BBX: variants seen among roughly 807,000 people sequenced by gnomAD.
BBX encodes BBX high mobility group box domain containing.
BBX carries 30 observed loss-of-function variants against 100.2 expected under a neutral mutation model. The ratio of observed to expected loss-of-function variants is 0.30; its 90% confidence interval spans 0.22 to 0.41. The LOEUF (loss-of-function observed/expected upper bound fraction) is 0.41, where lower values mean the gene tolerates loss of function less well. Among genes scored for constraint, BBX ranks in the 10% least tolerant of loss-of-function variants. BBX has a pLI of 1.00. For missense variants in BBX, 1,023 were observed against 1,129.8 expected (o/e 0.91, Z 1.35); for synonymous variants, 376 against 388.1 (o/e 0.97, Z 0.37).
chr3:107,537,619 G>T (rs1208771236), intron 2 of BBX, among the ~76,000 whole-genome samples: 1 of 152,160 alleles, frequency 6.6e-6, no homozygotes, highest in Non-Finnish European at 1.5e-5. Context: ...TTCTCTTGTG[G>T]TTTAGTAAGC....
chr3:107,764,283 C>T (rs930958060), intron 10 of BBX, among the ~76,000 whole-genome samples: 2 of 152,190 alleles, frequency 1.3e-5, no homozygotes, highest in African/African-American at 2.4e-5. Context: ...TGAGCCACCA[C>T]GCCCAGCCAG....
chr3:107,711,480 A>C (rs2061718984), intron 4 of BBX: 2 of 360,714 alleles, frequency 5.5e-6, no homozygotes, highest in African/African-American at 4.3e-5. Flanking sequence ...ACATCCATTC[A>C]GTCTCTCTTG....
chr3:107,551,648 C>G (rs2049692002), intron 2 of BBX, among the ~76,000 whole-genome samples: 1 of 152,184 alleles, frequency 6.6e-6, no homozygotes, highest in South Asian at 2.1e-4. Flanking sequence ...TAAACCAGAT[C>G]TCAACCCTGG....
At chr3:107,728,286 A>G (rs2063097572) in intron 5 of BBX, among the ~76,000 whole-genome samples, 1 of 152,202 alleles carries the variant, frequency 6.6e-6, no homozygotes, top group Non-Finnish European at 1.5e-5. Context: ...GATATGAGTG[A>G]TGTGCTATGC....
intron 12 of BBX, among the ~76,000 whole-genome samples, chr3:107,775,092 T>A (rs941852520): frequency 6.6e-6 from 1 of 152,194 alleles, no homozygotes; most frequent in African/African-American, 2.4e-5. Context: ...AGTGAAAATA[T>A]ATAGACTTTA....
intron 2 of BBX, among the ~76,000 whole-genome samples, chr3:107,621,379 T>C (rs1394997824): frequency 1.3e-5 from 2 of 152,194 alleles, no homozygotes; most frequent in African/African-American, 2.4e-5. Context: ...CCTTTCACAG[T>C]CTTCTTAATG....
chr3:107,757,893 T>C (rs2065610721), intron 10 of BBX, among the ~76,000 whole-genome samples: 1 of 152,206 alleles, frequency 6.6e-6, no homozygotes, highest in African/African-American at 2.4e-5. Flanking sequence ...ATTCACACAT[T>C]CTAAAGGGAA....
Position 107,778,365 on chromosome 3 carries a change from TA to T in BBX, c.2055-4del. On this transcript the variant is annotated splice_region_variant and splice_polypyrimidine_tract_variant and intron_variant, in intron 12 of 17. Coordinates refer to ENST00000325805, the MANE Select transcript of BBX (RefSeq NM_001142568.3). ...GCTGATTGATTCCCCTCTCCCCTTTTAATAGCTCCGCAAAGCTGGATGAAGA... is the reference window on the plus strand; with the variant it reads ...GCTGATTGATTCCCCTCTCCCCTTTTATAGCTCCGCAAAGCTGGATGAAGA... 6.2e-7 allele frequency: 1 copy of T among 1,613,098 alleles called. No homozygotes were observed. Among genetic ancestry groups the T allele is most frequent in the South Asian group, 1.1e-5 (1 of 91,064 alleles).
At chr3:107,566,052 G>T (rs980281829) in intron 2 of BBX, among the ~76,000 whole-genome samples, 1 of 151,628 alleles carries the variant, frequency 6.6e-6, no homozygotes, top group Non-Finnish European at 1.5e-5. Context: ...GTGGATGCCT[G>T]TAATCCCAGC....
At chr3:107,721,378 T>G (rs1264040156) in intron 5 of BBX, among the ~76,000 whole-genome samples, 1 of 151,904 alleles carries the variant, frequency 6.6e-6, no homozygotes, top group African/African-American at 2.4e-5. Flanking sequence ...TGTTTTGTTT[T>G]TTTTGCAGGG....
At chr3:107,605,083 A>T (rs926607685) in intron 2 of BBX, among the ~76,000 whole-genome samples, 3 of 152,188 alleles carry the variant, frequency 2.0e-5, no homozygotes, top group Admixed American at 1.3e-4. Flanking sequence ...AAAATACATG[A>T]TAACCATTGC....
At chr3:107,771,494 A>T (rs761399351) in intron 10 of BBX, among the ~76,000 whole-genome samples, 1 of 152,206 alleles carries the variant, frequency 6.6e-6, no homozygotes, top group Non-Finnish European at 1.5e-5. Flanking sequence ...TAGGAAAATT[A>T]TACAGTAGAT....
At chr3:107,718,289 T>C (rs1209126485) in intron 5 of BBX, among the ~76,000 whole-genome samples, 1 of 118,410 alleles carries the variant, frequency 8.4e-6, no homozygotes, top group African/African-American at 2.6e-5. Context: ...TTGTTAATTA[T>C]AATAGTATTA....
chr3:107,805,332 T>C lies in BBX; in HGVS notation c.2739-38T>C. The C allele has an allele frequency of 3.2e-6, 5 of 1,586,510 alleles. No homozygotes were observed. The South Asian group carries it at 4.6e-5, about 14-fold the overall frequency. On this transcript the variant is annotated intron_variant, in intron 17 of 17. Transcript: ENST00000325805. ...GTCCTCTCCTGTCTCTAATAACATA[T>C]GCTGAATAAGTGACTTTTTCTTCCT...
intron 10 of BBX, among the ~76,000 whole-genome samples, chr3:107,770,017 A>G (rs1189353238): frequency 6.6e-6 from 1 of 152,214 alleles, no homozygotes; most frequent in Non-Finnish European, 1.5e-5. Flanking sequence ...ATAATCTGTG[A>G]AAAAATTTTT....
intron 7 of BBX, among the ~76,000 whole-genome samples, chr3:107,743,314 CAATA>C: frequency 6.6e-6 from 1 of 151,946 alleles, no homozygotes. Flanking sequence ...GTATTCCTAC[CAATA>C]AAGGAGTTCT....
chr3:107,656,653 G>T (rs567937262), intron 3 of BBX, among the ~76,000 whole-genome samples: 25 of 152,178 alleles, frequency 1.6e-4, no homozygotes, highest in Non-Finnish European at 3.5e-4. Context: ...TTTAGAACCT[G>T]AACAACGTAT....
chr3:107,797,161 T>C lies in BBX; in HGVS notation c.2354-1362T>C, dbSNP rs530313278. ...AAGGTGCCATGATTTCCAGGACAAA[T>C]AATCTTATTAATTCATAGCCTTCTT... On this transcript the variant is annotated intron_variant, in intron 15 of 17. Coordinates refer to ENST00000325805, the MANE Select transcript of BBX (RefSeq NM_001142568.3). Among the ~76,000 whole-genome samples, 7 of 151,774 alleles carry C rather than the reference T, an allele frequency of 4.6e-5. No homozygotes were observed. The East Asian group carries it at 1.4e-3, about 29-fold the overall frequency.
intron 3 of BBX, among the ~76,000 whole-genome samples, chr3:107,706,459 A>G (rs2061404214): frequency 2.0e-5 from 3 of 152,228 alleles, no homozygotes; most frequent in South Asian, 2.1e-4. Flanking sequence ...GGGGGTACAC[A>G]TGGGTTGGTT....
Sources: allele counts gnomAD v4.1 joint callset (sites outside exome capture counted in the v4.1 genomes callset), GRCh38; gene constraint gnomAD v4.1.1; transcripts MANE v1.5; gene names NCBI Gene and HGNC (gene_info 2026-07-23, HGNC 2026-07-21).